Variants in FLT3 observed in about 807,000 individuals in gnomAD.
FLT3 encodes the protein fms related receptor tyrosine kinase 3.
Under a neutral mutation model 126.6 loss-of-function variants are expected in FLT3, and 46 were observed. That is an observed-to-expected ratio of 0.36 (90% CI 0.29 to 0.46). FLT3 has a LOEUF of 0.46. Ranked by LOEUF, FLT3 falls within the 20% of genes least tolerant of loss-of-function variation. The pLI is 1.00. For synonymous variants in FLT3, 404 were observed against 434.4 expected, an observed-to-expected ratio of 0.93 and a Z score of 0.87; for missense variants, 1,069 against 1,190.3, an observed-to-expected ratio of 0.90 and a Z score of 1.50.
chr13:28,062,026 T>C lies in FLT3; in HGVS notation c.209A>G (p.Gln70Arg), dbSNP rs2137768174. ...AGCTTCGTACACTGTCCCTGAGCTC[T>C]GGGGTCTCAACGCACACCCGAGGTC... ...PEDLGCALRPQSSGTVYEAAA... is the reference protein window; with the variant it reads ...PEDLGCALRPRSSGTVYEAAA... Residue 70 changes from glutamine (Q) to arginine (R), a missense_variant, in exon 3 of 24, where the codon CAG (glutamine) becomes CGG (arginine). Coordinates refer to ENST00000241453, the MANE Select transcript of FLT3 (RefSeq NM_004119.3). 6.2e-7 allele frequency: 1 copy of C among 1,612,956 alleles called. No individual in the cohort carries two copies. The highest frequency in any genetic ancestry group is 1.1e-5 in the South Asian group (1 of 91,004).
At chr13:28,077,041 GA>G (rs1566100938) in intron 1 of FLT3, among the ~76,000 whole-genome samples, 4 of 147,538 alleles carry the variant, frequency 2.7e-5, no homozygotes, top group East Asian at 4.0e-4. Context: ...GAGAGAGAGA[GA>G]GAGGAAGGAA....
At chr13:28,073,379 A>G (rs752845285) in intron 1 of FLT3, 1 of 418,806 alleles carries the variant, frequency 2.4e-6, no homozygotes, top group Non-Finnish European at 4.7e-6. Flanking sequence ...AGCATTTTTT[A>G]CTGTCACTTG....
At chr13:28,063,031 G>A (rs1876707772) in intron 2 of FLT3, among the ~76,000 whole-genome samples, 1 of 151,568 alleles carries the variant, frequency 6.6e-6, no homozygotes, top group Non-Finnish European at 1.5e-5. Flanking sequence ...ATAATATATA[G>A]GTAAATATTT....
Position 28,100,529 on chromosome 13 carries a change from TC to T in FLT3, c.-20del. On this transcript the variant is annotated 5_prime_UTR_variant, in exon 1 of 24. Transcript: ENST00000241453. The surrounding 1 kb of genome is among the most constrained non-coding windows in gnomAD (Gnocchi z 4.8). The stretch of plus-strand genomic sequence containing the variant: ...CCGGCATGGCCTCCGGAGCCCGGGG[TC>T]CCCAGGCCGCGCCGGCCCAGCCCTG... The T allele has an allele frequency of 8.3e-7, 1 of 1,211,524 alleles. No homozygotes were observed. The highest frequency in any genetic ancestry group is 1.0e-6 in the Non-Finnish European group (1 of 974,768). The allele number at this position is 1,211,524 out of a possible 1,614,324, so 75.0% of individuals were successfully genotyped here. A position where few individuals can be genotyped will look rare whatever the true frequency, so the allele number is the denominator to read the frequency against.
At chr13:28,071,206 C>T (rs1262028737) in intron 1 of FLT3, among the ~76,000 whole-genome samples, 2 of 149,576 alleles carry the variant, frequency 1.3e-5, no homozygotes, top group African/African-American at 2.5e-5. Flanking sequence ...GACGGGGTAT[C>T]GCCACGTTAG....
In FLT3 at chr13:28,037,255, T is replaced by C; in HGVS notation, c.1239A>G (p.Pro413=). 1 of 1,612,222 alleles carries C rather than the reference T, an allele frequency of 6.2e-7. No homozygotes were observed. Among genetic ancestry groups the C allele is most frequent in the Non-Finnish European group, 8.5e-7 (1 of 1,178,358 alleles). The part of the protein sequence containing the change: ...ISKFCNHKHQ[P]GEYIFHAEND... The stretch of plus-strand genomic sequence containing the variant: ...TTTCTGCATGGAATATATATTCTCC[T>C]GGCTGGTGCTTATGATTGCAAAACT... The change falls in exon 10 of 24, where the codon CCA becomes CCG. Residue 413 remains proline (P), a synonymous_variant. Coordinates refer to ENST00000241453, the MANE Select transcript of FLT3 (RefSeq NM_004119.3).
intron 23 of FLT3, among the ~76,000 whole-genome samples, chr13:28,006,306 T>TTGTGTGTGTG (rs4002773): frequency 1.3e-4 from 19 of 147,096 alleles, no homozygotes; most frequent in African/African-American, 4.5e-4. Flanking sequence ...TTCTAGAAAA[T>TTGTGTGTGTG]TGTGTGTGTG....
intron 1 of FLT3, among the ~76,000 whole-genome samples, chr13:28,091,029 T>C (rs1055110028): frequency 6.6e-6 from 1 of 151,516 alleles, no homozygotes; most frequent in African/African-American, 2.4e-5. Flanking sequence ...CTTTAAAGAG[T>C]TGTGGCTTTA....
intron 1 of FLT3, among the ~76,000 whole-genome samples, chr13:28,074,937 A>C (rs1877823435): frequency 6.6e-6 from 1 of 152,062 alleles, no homozygotes; most frequent in African/African-American, 2.4e-5. Flanking sequence ...CTCAGCCCTC[A>C]TTGTGGTTTT....
chr13:28,029,933 C>T (rs1244155216), intron 15 of FLT3, among the ~76,000 whole-genome samples: 1 of 152,168 alleles, frequency 6.6e-6, no homozygotes, highest in Non-Finnish European at 1.5e-5. Flanking sequence ...CCCGTCATTG[C>T]GGCTCATGTG....
At chr13:28,059,058 A>G (rs926173812) in intron 3 of FLT3, among the ~76,000 whole-genome samples, 1 of 152,246 alleles carries the variant, frequency 6.6e-6, no homozygotes, top group African/African-American at 2.4e-5. Context: ...AGAAGTGAGT[A>G]ATACAATCGC....
At chr13:28,028,874 T>C (rs1159772267) in intron 15 of FLT3, among the ~76,000 whole-genome samples, 3 of 150,930 alleles carry the variant, frequency 2.0e-5, no homozygotes, top group African/African-American at 4.9e-5. Context: ...CTCTGCCTCC[T>C]GGGCTCAAGT....
intron 4 of FLT3, among the ~76,000 whole-genome samples, chr13:28,056,086 C>A (rs528235371): frequency 2.2e-4 from 34 of 152,156 alleles, no homozygotes; most frequent in Non-Finnish European, 4.4e-4. Context: ...CCACCCCCAA[C>A]CCCAGTAAGA....
At chr13:28,091,274 T>G (rs984556362) in intron 1 of FLT3, among the ~76,000 whole-genome samples, 63 of 124,394 alleles carry the variant, frequency 5.1e-4, no homozygotes, top group South Asian at 2.3e-3. Context: ...CAGGCTGGAG[T>G]GCAGTGGCGC....
At position 28,100,224 on chromosome 13, in the gene FLT3, G is replaced by C. The variant is rs1434049441; in HGVS notation, c.43+244C>G. On this transcript the variant is annotated intron_variant, in intron 1 of 23. Transcript: ENST00000241453. This position sits in a 1 kb window ranked among gnomAD's most constrained non-coding sequence, Gnocchi z 4.8. ...GGGCCGCCACTCGGGACCGCGGCCC[G>C]AGCCAGAGGAGAGACTTCGGAGAAG... 6.6e-6 allele frequency among the ~76,000 whole-genome samples: 1 copy of C among 152,096 alleles called. No homozygotes were observed. The highest frequency in any genetic ancestry group is 1.5e-5 in the Non-Finnish European group (1 of 68,006).
intron 9 of FLT3, among the ~76,000 whole-genome samples, chr13:28,046,304 G>T (rs1283655742): frequency 6.6e-6 from 1 of 152,046 alleles, no homozygotes; most frequent in South Asian, 2.1e-4. Context: ...TCCCAACAAG[G>T]GACTTTTAGT....
In FLT3 at chr13:28,020,816, A is replaced by G. The variant is rs568961401; in HGVS notation, c.2419-2227T>C. ...ATGTTTGATGAAGTCAAGGGCCTAC[A>G]GAGGAAACTGAGGGGCACCCAGAGG... On this transcript the variant is annotated intron_variant, in intron 19 of 23. Coordinates refer to ENST00000241453, the MANE Select transcript of FLT3 (RefSeq NM_004119.3). Among the ~76,000 whole-genome samples the G allele has an allele frequency of 1.2e-4, 18 of 152,244 alleles. 1 individual carries two copies. The East Asian group carries it at 3.3e-3, about 28-fold the overall frequency.
chr13:28,027,035 C>T (rs1872871278), intron 17 of FLT3, 53 bp downstream of exon 17: 3 of 1,529,482 alleles, frequency 2.0e-6, no homozygotes, highest in Non-Finnish European at 2.7e-6. Context: ...GAACAGCACA[C>T]TTTGCCTACG....
rs966525186 is a variant in FLT3 at position 28,100,301 on chromosome 13, C to A, written c.43+167G>T. On this transcript the variant is annotated intron_variant, in intron 1 of 23. Transcript: ENST00000241453. This position sits in a 1 kb window ranked among gnomAD's most constrained non-coding sequence, Gnocchi z 4.8. The stretch of plus-strand genomic sequence containing the variant: ...GCCGGGGCCGCAGGCAAGTAGTGGG[C>A]GAGTCCGGAGGGCGCGAAAGAGGGG... Among the ~76,000 whole-genome samples, 68 of 151,866 alleles carry A rather than the reference C, an allele frequency of 4.5e-4. No homozygotes were observed. The highest frequency in any genetic ancestry group is 1.5e-3 in the African/African-American group (64 of 41,328).
Sources: gnomAD v4.1 joint callset for allele counts (sites outside exome capture counted in the v4.1 genomes callset) on GRCh38, gnomAD v4.1.1 for gene constraint, Gnocchi (gnomAD v3.1) non-coding constraint, MANE v1.5 for transcripts, NCBI Gene and HGNC (gene_info 2026-07-23, HGNC 2026-07-21) for gene names.